Variants in RPN1 observed in about 807,000 individuals in gnomAD.
RPN1 encodes the protein dolichyl-diphosphooligosaccharide--protein glycosyltransferase subunit 1.
RPN1 carries 12 observed loss-of-function variants against 55.5 expected under a neutral mutation model. The ratio of observed to expected loss-of-function variants is 0.22; its 90% CI spans 0.14 to 0.35. RPN1 has a LOEUF of 0.35. Ranked by LOEUF, RPN1 falls within the 10% of genes least tolerant of loss-of-function variation. RPN1 has a pLI of 1.00. For synonymous variants in RPN1, 317 were observed against 305.9 expected, an observed-to-expected ratio of 1.04 and a Z score of -0.38; for missense variants, 679 against 761.3, an observed-to-expected ratio of 0.89 and a Z score of 1.27.
At position 128,650,727 on chromosome 3, in the gene RPN1, G is replaced by A. The variant is rs767685550; in HGVS notation, c.74C>T (p.Ser25Phe). Residue 25 changes from serine (S) to phenylalanine (F), a missense_variant, in exon 1 of 10, where the codon TCC becomes TTC. Coordinates refer to ENST00000296255, the MANE Select transcript of RPN1 (RefSeq NM_002950.4). ...GTWAPAPGSASSEAPPLINED... is the reference protein window; with the variant it reads ...GTWAPAPGSAFSEAPPLINED... ...ATTGATCAGCGGCGGTGCCTCGGAG[G>A]AGGCGCTGCCCGGCGCCGGGGCCCA... 1.3e-5 allele frequency: 20 copies of A among 1,560,810 alleles called. No individual in the cohort carries two copies. The highest frequency in any genetic ancestry group is 1.9e-5 in the Admixed American group (1 of 52,164).
At chr3:128,638,374 T>C (rs144714323) in intron 2 of RPN1, among the ~76,000 whole-genome samples, 63 of 152,210 alleles carry the variant, frequency 4.1e-4, no homozygotes, top group Middle Eastern at 3.4e-3. Flanking sequence ...TATTAGAATG[T>C]TTTTAACTTT....
At chr3:128,634,025 A>G (rs937294147) in intron 3 of RPN1, among the ~76,000 whole-genome samples, 14 of 151,620 alleles carry the variant, frequency 9.2e-5, no homozygotes, top group East Asian at 5.8e-4. Context: ...CAACAAAACA[A>G]AAAAACTGTT....
intron 5 of RPN1, chr3:128,627,314 G>T (rs2069606266): frequency 6.1e-6 from 1 of 162,828 alleles, no homozygotes; most frequent in Admixed American, 5.8e-5. Flanking sequence ...ACAGTGAGGA[G>T]AAACTGCTCA....
intron 3 of RPN1, 52 bp from the exon 4 acceptor site, chr3:128,632,209 A>G: frequency 6.5e-7 from 1 of 1,541,726 alleles, no homozygotes; most frequent in East Asian, 2.3e-5. Context: ...AGAATGCACC[A>G]TTAGTTTAAA....
intron 3 of RPN1, 86 bp from the exon 4 acceptor site, chr3:128,632,243 T>A (rs1020898716): frequency 1.7e-6 from 2 of 1,211,194 alleles, no homozygotes; most frequent in Non-Finnish European, 2.4e-6. Context: ...AGACAACCTA[T>A]ATATCAGCAA....
chr3:128,646,032 C>G (rs2069764397), intron 1 of RPN1, among the ~76,000 whole-genome samples: 1 of 151,580 alleles, frequency 6.6e-6, no homozygotes. Context: ...ATCACGAGGT[C>G]AGGAGTTCAA....
intron 5 of RPN1, among the ~76,000 whole-genome samples, chr3:128,629,026 A>G (rs2069622866): frequency 6.6e-6 from 1 of 152,196 alleles, no homozygotes. Flanking sequence ...AAGGTATAGT[A>G]TGTAGAGATA....
chr3:128,622,535 A>G, intron 8 of RPN1, 126 bp from the exon 9 acceptor site: 1 of 1,201,276 alleles, frequency 8.3e-7, no homozygotes, highest in Non-Finnish European at 1.2e-6. Context: ...TGGAAAGTCA[A>G]AGTCAAACCC....
chr3:128,628,343 A>G (rs532132753), intron 5 of RPN1, among the ~76,000 whole-genome samples: 26 of 152,292 alleles, frequency 1.7e-4, no homozygotes, highest in Admixed American at 3.3e-4. Context: ...CAGGAAAAAA[A>G]TTTAGAAATA....
chr3:128,650,203 G>A (rs995407926), intron 1 of RPN1, among the ~76,000 whole-genome samples: 3 of 152,208 alleles, frequency 2.0e-5, no homozygotes, highest in African/African-American at 2.4e-5. Flanking sequence ...GAGCGGTGCC[G>A]AGAACGGCCC....
chr3:128,634,317 C>A (rs1453831452), intron 3 of RPN1, among the ~76,000 whole-genome samples: 2 of 149,902 alleles, frequency 1.3e-5, no homozygotes, highest in African/African-American at 4.9e-5. Context: ...GAGAGTAAGA[C>A]CCTGTCTTAA....
At chr3:128,633,137 G>A (rs376640164) in intron 3 of RPN1, among the ~76,000 whole-genome samples, 3 of 152,096 alleles carry the variant, frequency 2.0e-5, no homozygotes, top group East Asian at 1.9e-4. Context: ...TAAGGAAACC[G>A]GCAGTTTCAC....
At position 128,626,814 on chromosome 3, in the gene RPN1, T is replaced by C. The variant is rs761158423; in HGVS notation, c.1055A>G (p.Lys352Arg). The change falls in exon 6 of 10, where the codon AAG (lysine) becomes AGG (arginine). Residue 352 changes from lysine to arginine, a missense_variant. Lys to Arg is a conservative substitution (Grantham distance 26, BLOSUM62 2). Coordinates refer to ENST00000296255, the MANE Select transcript of RPN1 (RefSeq NM_002950.4). Reference sequence around the variant, plus strand: ...AAACACATGGTCCACAAACCTCATCTTCAGTGCATACTGGTCACCTGAAGG... The same window carrying C: ...AAACACATGGTCCACAAACCTCATCCTCAGTGCATACTGGTCACCTGAAGG... ...LYNLGDQYALKMRFVDHVFDE... is the reference protein window; with the variant it reads ...LYNLGDQYALRMRFVDHVFDE... 1.2e-6 allele frequency: 2 copies of C among 1,614,024 alleles called. No homozygotes were observed. The highest frequency in any genetic ancestry group is 2.7e-5 in the African/African-American group (2 of 74,924).
At chr3:128,634,607 G>C (rs934335423) in intron 3 of RPN1, among the ~76,000 whole-genome samples, 1 of 144,830 alleles carries the variant, frequency 6.9e-6, no homozygotes, top group African/African-American at 2.6e-5. Context: ...CTGTCGCCCA[G>C]ATTGGAGTGC....
At chr3:128,626,083 A>C in intron 6 of RPN1, 71 bp from the exon 7 acceptor site, 1 of 1,468,652 alleles carries the variant, frequency 6.8e-7, no homozygotes, top group South Asian at 1.3e-5. Flanking sequence ...GGATCAGAGA[A>C]TTCCAAGGCT....
chr3:128,644,874 A>C, intron 2 of RPN1, 45 bp downstream of exon 2: 1 of 1,069,920 alleles, frequency 9.3e-7, no homozygotes, highest in Non-Finnish European at 1.5e-6. Flanking sequence ...CCCAACCCTG[A>C]CATAACCTTT....
intron 9 of RPN1, 61 bp from the exon 10 acceptor site, chr3:128,620,654 C>T: frequency 6.5e-7 from 1 of 1,532,830 alleles, no homozygotes; most frequent in Non-Finnish European, 8.9e-7. Flanking sequence ...CTCAGCAGGC[C>T]CCACCATCTC....
At chr3:128,625,164 C>G (rs1012548289) in intron 8 of RPN1, among the ~76,000 whole-genome samples, 3 of 151,968 alleles carry the variant, frequency 2.0e-5, no homozygotes, top group Admixed American at 2.0e-4. Flanking sequence ...CTGCTCCCAA[C>G]AAGGAATCAC....
intron 2 of RPN1, 183 bp downstream of exon 2, chr3:128,644,736 A>C: frequency 1.5e-6 from 1 of 653,214 alleles, no homozygotes; most frequent in Non-Finnish European, 2.8e-6. Flanking sequence ...AGGTAGAAGG[A>C]TGGCTTGAGC....
Sources: allele counts gnomAD v4.1 joint callset (sites outside exome capture counted in the v4.1 genomes callset), GRCh38; gene constraint gnomAD v4.1.1; transcripts MANE v1.5; gene names NCBI Gene and HGNC (gene_info 2026-07-23, HGNC 2026-07-21).